The following OTOF variants were observed in gnomAD, a reference collection of about 807,000 sequenced individuals.
OTOF encodes otoferlin.
Under a neutral mutation model 236.8 loss-of-function variants are expected in OTOF, and 218 were observed. The observed-to-expected ratio is 0.92, with a 90% confidence interval of 0.82 to 1.03. The LOEUF (loss-of-function observed/expected upper bound fraction) is 1.03. Among genes scored for constraint, OTOF ranks in the 50% least tolerant of loss-of-function variants. The pLI is 0.00. For synonymous variants in OTOF, 1,041 were observed against 1,072.5 expected (o/e 0.97, Z 0.57); for missense variants, 2,590 against 2,694.4 (o/e 0.96, Z 0.86).
intron 2 of OTOF, among the ~76,000 whole-genome samples, chr2:26,528,733 G>T (rs1322792063): frequency 6.6e-6 from 1 of 152,220 alleles, no homozygotes; most frequent in Non-Finnish European, 1.5e-5. Context: ...TTCCTCAAAG[G>T]CCCTGTTACC....
chr2:26,517,458 T>C (rs1330184549), intron 4 of OTOF, among the ~76,000 whole-genome samples: 3 of 152,206 alleles, frequency 2.0e-5, no homozygotes, highest in Admixed American at 1.3e-4. Context: ...TAATGTACAC[T>C]CATTTGATCT....
intron 10 of OTOF, among the ~76,000 whole-genome samples, 158 bp downstream of exon 10, chr2:26,489,520 G>A (rs548541882): frequency 6.6e-5 from 10 of 152,308 alleles, no homozygotes; most frequent in African/African-American, 2.4e-4. Context: ...GGGTGGGTGG[G>A]GGCCAGAATC....
chr2:26,535,643 C>T (rs1350259684), intron 2 of OTOF, among the ~76,000 whole-genome samples: 2 of 152,172 alleles, frequency 1.3e-5, no homozygotes, highest in African/African-American at 2.4e-5. Flanking sequence ...CTGCTTCTGC[C>T]CTGCCCCAGT....
chr2:26,489,252 CCCACCAGGGTG>C lies in OTOF; in HGVS notation c.993_1003del (p.Thr332LeufsTer26). On this transcript the variant is annotated frameshift_variant, in exon 11 of 47. Transcript: ENST00000272371. LOFTEE classifies it high-confidence loss of function. The stretch of plus-strand genomic sequence containing the variant: ...GGTTCCCACGTCCATTTTGAAGGAG[CCCACCAGGGTG>C]CCACTGCGCAGCAGGTTCTTGGAGT... The C allele has an allele frequency of 6.2e-7, 1 of 1,613,020 alleles. No individual in the cohort carries two copies.
intron 46 of OTOF, 77 bp from the exon 47 acceptor site, chr2:26,458,297 T>C (rs1426719450): frequency 2.3e-5 from 34 of 1,447,610 alleles, no homozygotes; most frequent in Non-Finnish European, 3.1e-5. Context: ...TCTGTCCTTC[T>C]GGACCCCCAA....
At chr2:26,518,976 G>T (rs774192248) in intron 4 of OTOF, 34 bp downstream of exon 4, 61 of 1,478,682 alleles carry the variant, frequency 4.1e-5, no homozygotes, top group Non-Finnish European at 5.4e-5. Context: ...GGCCCCATAT[G>T]GGAAAGTCCA....
intron 1 of OTOF, among the ~76,000 whole-genome samples, chr2:26,552,381 A>G (rs1477708301): frequency 6.6e-6 from 1 of 152,114 alleles, no homozygotes; most frequent in African/African-American, 2.4e-5. Context: ...CAGAAAAAAG[A>G]AAAAAATGAG....
Position 26,502,607 on chromosome 2 carries a change from TTGAATGGCCATTATGTC to T in OTOF, c.584-198_584-182del, listed in dbSNP as rs1388728053. ...TTTCTACCTAATCCCGATCTTGGATTTGAATGGCCATTATGTCTGGTCTTGCCTTTTTATTTTAATTG... is the reference window on the plus strand; with the variant it reads ...TTTCTACCTAATCCCGATCTTGGATTTGGTCTTGCCTTTTTATTTTAATTG... On this transcript the variant is annotated intron_variant, in intron 6 of 46. Transcript: ENST00000272371. 2.8e-4 allele frequency among the ~76,000 whole-genome samples: 42 copies of T among 152,376 alleles called. 1 individual carries two copies. The highest frequency in any genetic ancestry group is 1.0e-3 in the African/African-American group (42 of 41,588).
chr2:26,538,670 T>G (rs1016739504), intron 1 of OTOF, among the ~76,000 whole-genome samples: 2 of 152,168 alleles, frequency 1.3e-5, no homozygotes, highest in African/African-American at 4.8e-5. Flanking sequence ...AAACAGCCGC[T>G]GGAGTCTCTG....
chr2:26,467,663 G>C (rs1464039519), intron 33 of OTOF, among the ~76,000 whole-genome samples, 162 bp from the exon 34 acceptor site: 4 of 152,208 alleles, frequency 2.6e-5, no homozygotes, highest in Non-Finnish European at 4.4e-5. Context: ...GCCTCATGGA[G>C]GTGCTGGGGG....
At chr2:26,535,176 C>T (rs995569738) in intron 2 of OTOF, among the ~76,000 whole-genome samples, 6 of 152,174 alleles carry the variant, frequency 3.9e-5, no homozygotes, top group African/African-American at 1.4e-4. Context: ...GGAGAGACTC[C>T]AACACGGGCC....
In OTOF at chr2:26,488,832, G is replaced by A. The variant is rs371549554; in HGVS notation, c.1045+379C>T. On this transcript the variant is annotated intron_variant, in intron 11 of 46. Transcript: ENST00000272371. ...CAGCCCAGGAGGCAGGAGTCTGGGC[G>A]CAGCCTCTCTGCAGGCTGTGACGGG... Among the ~76,000 whole-genome samples the A allele has an allele frequency of 8.5e-5, 13 of 152,312 alleles. No individual in the cohort carries two copies. In the South Asian group the frequency reaches 2.7e-3, roughly 32 times the overall value.
intron 1 of OTOF, among the ~76,000 whole-genome samples, chr2:26,540,037 G>T (rs1034351973): frequency 5.3e-5 from 8 of 152,226 alleles, no homozygotes; most frequent in African/African-American, 1.7e-4. Flanking sequence ...GGGTTCAAAT[G>T]ATTCTCGTGC....
In OTOF at chr2:26,473,845, T is replaced by C; in HGVS notation, c.3408+146A>G. On this transcript the variant is annotated intron_variant, in intron 27 of 46. Coordinates refer to ENST00000272371, the MANE Select transcript of OTOF (RefSeq NM_194248.3). The surrounding 1 kb of genome is among the most constrained non-coding windows in gnomAD (Gnocchi z 7.2). ...ACATGGGAGTGCGACTTGGTGCAGA[T>C]GGGGGCAGGCCCTGGGCTGGGGCAG... 1 of 1,116,634 alleles carries C rather than the reference T, an allele frequency of 9.0e-7. No individual in the cohort carries two copies. The highest frequency in any genetic ancestry group is 1.3e-6 in the Non-Finnish European group (1 of 742,408). 69.2% of individuals were successfully genotyped at this position (1,116,634 alleles called of 1,614,324 possible).
rs768889857 is a variant in OTOF at position 26,474,581 on chromosome 2, C to T, written c.3220G>A (p.Glu1074Lys). The change falls in exon 26 of 47, where the codon GAG (glutamate) becomes AAG (lysine). Residue 1074 changes from glutamate to lysine, a missense_variant. By Grantham distance (56) the Glu-to-Lys change is moderately conservative (BLOSUM62 1). Around this residue, in one of 2 missense-constraint regions of OTOF, gnomAD observed 1,211 missense variants for 1,352.8 expected, o/e 0.90. Transcript: ENST00000272371. ...YCPPRFPPQL[E>K]YYQIYRGNAT... ...TTGCCACGGTAGATCTGGTAGTACT[C>T]GAGCTGAGGTGGGAAGCGGGGTGGG... The T allele has an allele frequency of 2.0e-5, 32 of 1,613,108 alleles. No individual in the cohort carries two copies. Among genetic ancestry groups the T allele is most frequent in the Admixed American group, 1.3e-4 (8 of 60,002 alleles).
intron 8 of OTOF, among the ~76,000 whole-genome samples, chr2:26,500,575 A>G (rs1489057698): frequency 6.6e-6 from 1 of 152,122 alleles, no homozygotes; most frequent in Non-Finnish European, 1.5e-5. Flanking sequence ...TCAAACCCCT[A>G]AGGAATCCAA....
chr2:26,550,846 G>C (rs896028236), intron 1 of OTOF, among the ~76,000 whole-genome samples: 1 of 152,098 alleles, frequency 6.6e-6, no homozygotes, highest in Non-Finnish European at 1.5e-5. Flanking sequence ...CTCCTGCTAA[G>C]AGTGTGACAC....
intron 35 of OTOF, 51 bp downstream of exon 35, chr2:26,467,048 G>C (rs761338416): frequency 2.3e-5 from 37 of 1,607,528 alleles, no homozygotes; most frequent in South Asian, 1.1e-4. Context: ...AACCTGTGGG[G>C]GGGGCAAGGG....
chr2:26,500,494 C>G (rs1459656528), intron 8 of OTOF, among the ~76,000 whole-genome samples: 1 of 152,144 alleles, frequency 6.6e-6, no homozygotes, highest in East Asian at 1.9e-4. Context: ...AGCCCAATCC[C>G]TTGGAAAAGC....
Sources: allele counts gnomAD v4.1 joint callset (sites outside exome capture counted in the v4.1 genomes callset), GRCh38; gene constraint gnomAD v4.1.1; regional missense constraint gnomAD v4.1.1; non-coding constraint Gnocchi (gnomAD v3.1); transcripts MANE v1.5; gene names NCBI Gene and HGNC (gene_info 2026-07-23, HGNC 2026-07-21).